The following OXR1 variants were observed in gnomAD, a reference collection of about 807,000 sequenced individuals.
The protein encoded by OXR1 is oxidation resistance 1.
A neutral mutation model predicts 104.6 loss-of-function variants in OXR1; 41 were observed. The observed-to-expected ratio is 0.39, with a 90% CI of 0.31 to 0.51. The LOEUF (loss-of-function observed/expected upper bound fraction) is 0.51. OXR1 is among the 20% of genes least tolerant of loss of function. The pLI is 0.77. For synonymous variants in OXR1, 348 were observed against 348.4 expected, an observed-to-expected ratio of 1.00 and a Z score of 0.01; for missense variants, 955 against 1,031.9, an observed-to-expected ratio of 0.93 and a Z score of 1.02.
chr8:106,510,754 C>G (rs1273927166), intron 2 of OXR1, among the ~76,000 whole-genome samples: 1 of 152,100 alleles, frequency 6.6e-6, no homozygotes, highest in African/African-American at 2.4e-5. Flanking sequence ...GCACCTGTGG[C>G]TTAATTCTTA....
chr8:106,327,083 T>C (rs1814499600), intron 1 of OXR1, among the ~76,000 whole-genome samples: 1 of 152,176 alleles, frequency 6.6e-6, no homozygotes, highest in African/African-American at 2.4e-5. Flanking sequence ...AAGTATCCTT[T>C]GTAAAAATTG....
At chr8:106,449,058 C>T (rs954022988) in intron 2 of OXR1, among the ~76,000 whole-genome samples, 4 of 152,060 alleles carry the variant, frequency 2.6e-5, no homozygotes, top group Admixed American at 1.3e-4. Context: ...CCTGGCTTGA[C>T]ATTTATAGTT....
At chr8:106,594,286 T>C (rs1041193639) in intron 3 of OXR1, among the ~76,000 whole-genome samples, 2 of 152,134 alleles carry the variant, frequency 1.3e-5, no homozygotes, top group African/African-American at 4.8e-5. Flanking sequence ...CTAATAAGGG[T>C]ATGTCAGCAC....
At chr8:106,645,747 C>T (rs1052689220) in intron 3 of OXR1, among the ~76,000 whole-genome samples, 1 of 152,128 alleles carries the variant, frequency 6.6e-6, no homozygotes, top group African/African-American at 2.4e-5. Flanking sequence ...TAGGGAACTC[C>T]CATCTACTTT....
At chr8:106,329,350 C>CTTT (rs773206309) in intron 1 of OXR1, among the ~76,000 whole-genome samples, 2,391 of 137,732 alleles carry the variant, frequency 0.017, 33 homozygotes, top group South Asian at 0.093. Context: ...CTCATTGACA[C>CTTT]TTTTTTTTTT....
chr8:106,323,153 G>A (rs76226697), intron 1 of OXR1, among the ~76,000 whole-genome samples: 3,652 of 152,308 alleles, frequency 0.024, 55 homozygotes, highest in South Asian at 0.097. Context: ...CAAGGCTACA[G>A]TAATGAAAAC....
At position 106,501,871 on chromosome 8, in the gene OXR1, C is replaced by T. The variant is rs564594098; in HGVS notation, c.24-17072C>T. Reference sequence around the variant, plus strand: ...ATTATTCTTAAGCTTCAATAATAACCCTACAGATAGAAAGATTAACATAAA... The same window carrying T: ...ATTATTCTTAAGCTTCAATAATAACTCTACAGATAGAAAGATTAACATAAA... On this transcript the variant is annotated intron_variant, in intron 2 of 16. Transcript: ENST00000517566. Among the ~76,000 whole-genome samples, 11 of 152,052 alleles carry T rather than the reference C, an allele frequency of 7.2e-5. No individual in the cohort carries two copies. In the South Asian group the frequency reaches 2.3e-3, roughly 32 times the overall value.
chr8:106,625,236 A>G (rs1563651350), intron 3 of OXR1, among the ~76,000 whole-genome samples: 2 of 152,122 alleles, frequency 1.3e-5, no homozygotes, highest in Admixed American at 6.5e-5. Context: ...TTGACTTGCT[A>G]GGCTAAATCA....
intron 9 of OXR1, among the ~76,000 whole-genome samples, chr8:106,708,759 C>T (rs1831402329): frequency 6.6e-6 from 1 of 151,834 alleles, no homozygotes. Flanking sequence ...TGTTTGAATC[C>T]CTCCTTTGAG....
chr8:106,387,331 T>C (rs1817416864), intron 2 of OXR1, among the ~76,000 whole-genome samples: 1 of 152,214 alleles, frequency 6.6e-6, no homozygotes, highest in Admixed American at 6.5e-5. Flanking sequence ...TATTTCACAA[T>C]TGAAATAACT....
chr8:106,564,778 C>A (rs1325134887), intron 3 of OXR1, among the ~76,000 whole-genome samples: 1 of 152,130 alleles, frequency 6.6e-6, no homozygotes, highest in Non-Finnish European at 1.5e-5. Context: ...AAAAGTTTAT[C>A]CACCACGATC....
chr8:106,423,994 T>C (rs931410613), intron 2 of OXR1, among the ~76,000 whole-genome samples: 7 of 152,194 alleles, frequency 4.6e-5, no homozygotes. Flanking sequence ...TGGAATGCAG[T>C]GGCATGATCT....
chr8:106,708,928 T>C (rs1831423619), intron 9 of OXR1, among the ~76,000 whole-genome samples: 1 of 152,020 alleles, frequency 6.6e-6, no homozygotes, highest in South Asian at 2.1e-4. Flanking sequence ...AAATACCGAA[T>C]TTTCTTTTCA....
intron 2 of OXR1, among the ~76,000 whole-genome samples, chr8:106,360,538 G>A (rs1301329411): frequency 1.3e-5 from 2 of 151,780 alleles, no homozygotes; most frequent in Non-Finnish European, 2.9e-5. Context: ...GTAATTATTT[G>A]TTTAGATTCG....
intron 2 of OXR1, among the ~76,000 whole-genome samples, chr8:106,477,340 C>A (rs1338868595): frequency 6.6e-6 from 1 of 151,960 alleles, no homozygotes; most frequent in Non-Finnish European, 1.5e-5. Flanking sequence ...TCAATACTTG[C>A]AACACTTGAG....
intron 1 of OXR1, among the ~76,000 whole-genome samples, chr8:106,339,512 AAAAAAAAATATAT>A (rs1334529851): frequency 3.9e-4 from 16 of 41,100 alleles, no homozygotes; most frequent in African/African-American, 2.3e-3. Flanking sequence ...AAAAAAAAAA[AAAAAAAAATATAT>A]ATATATATAT....
chr8:106,298,505 G>A lies in OXR1; in HGVS notation c.-139+28138G>A, dbSNP rs546981682. Among the ~76,000 whole-genome samples, 4 of 152,246 alleles carry A rather than the reference G, an allele frequency of 2.6e-5. No homozygotes were observed. The South Asian group carries it at 8.3e-4, about 32-fold the overall frequency. On this transcript the variant is annotated intron_variant, in intron 1 of 16. Coordinates refer to ENST00000517566, the MANE Select transcript of OXR1 (RefSeq NM_001198533.2). ...CAGTTCAAGATGAGAATTTGTTGGG[G>A]ACCCAGCCAGACCATATCAGAATCA...
chr8:106,492,988 G>A (rs147192556), intron 2 of OXR1, among the ~76,000 whole-genome samples: 2 of 152,172 alleles, frequency 1.3e-5, no homozygotes, highest in African/African-American at 4.8e-5. Flanking sequence ...CCCACATTCT[G>A]GAAAGCTGTA....
intron 2 of OXR1, among the ~76,000 whole-genome samples, chr8:106,499,214 G>T (rs1334702227): frequency 6.7e-6 from 1 of 150,270 alleles, no homozygotes; most frequent in African/African-American, 2.4e-5. Flanking sequence ...ATGTTTAAAT[G>T]TTATATCCTG....
Sources: gnomAD v4.1 joint callset for allele counts (sites outside exome capture counted in the v4.1 genomes callset) on GRCh38, gnomAD v4.1.1 for gene constraint, MANE v1.5 for transcripts, NCBI Gene and HGNC (gene_info 2026-07-23, HGNC 2026-07-21) for gene names.